PRKAA1: variants seen among roughly 807,000 people sequenced by gnomAD.
PRKAA1 encodes the protein protein kinase AMP-activated catalytic subunit alpha 1, also known as 5'-AMP-activated protein kinase catalytic subunit alpha-1.
PRKAA1 carries 23 observed loss-of-function variants against 56.9 expected under a neutral mutation model. The observed-to-expected ratio is 0.40, with a 90% CI of 0.29 to 0.57. The LOEUF (loss-of-function observed/expected upper bound fraction) is 0.57. PRKAA1 is among the 20% of genes least tolerant of loss of function. The pLI, the probability that PRKAA1 is intolerant of heterozygous loss-of-function variation, is 0.39. For missense variants in PRKAA1, 413 were observed against 679.7 expected (o/e 0.61, Z 4.36); for synonymous variants, 226 against 227.0 (o/e 1.00, Z 0.04).
At position 40,763,001 on chromosome 5, in the gene PRKAA1, G is replaced by A. The variant is rs748330955; in HGVS notation, c.1457C>T (p.Ser486Leu). ...CGATCTCTGTGGAGTAGCAGTCCCT[G>A]ATTTGGCTTCTGTAATTTCATCTGG... is the stretch of plus-strand genomic sequence containing the variant. The part of the protein sequence containing the change: ...SIDDEITEAK[S>L]GTATPQRSGS... The change falls in exon 9 of 9, where the codon TCA becomes TTA. Residue 486 changes from serine to leucine, a missense_variant. Ser to Leu is a moderately radical substitution (Grantham distance 145). Coordinates refer to ENST00000397128, the MANE Select transcript of PRKAA1 (RefSeq NM_006251.6). The A allele has an allele frequency of 1.2e-6, 2 of 1,614,020 alleles. No individual in the cohort carries two copies. The highest frequency in any genetic ancestry group is 2.2e-5 in the South Asian group (2 of 91,074).
chr5:40,795,251 GA>G (rs1404923953), intron 1 of PRKAA1, among the ~76,000 whole-genome samples: 1 of 152,068 alleles, frequency 6.6e-6, no homozygotes, highest in African/African-American at 2.4e-5. Context: ...AAGAGTGGGA[GA>G]GGGGTGAGGG....
At chr5:40,765,279 A>G in intron 6 of PRKAA1, 41 bp from the exon 7 acceptor site, 1 of 1,553,384 alleles carries the variant, frequency 6.4e-7, no homozygotes, top group Non-Finnish European at 8.7e-7. Flanking sequence ...GACTTTGAAT[A>G]GAGCTGAGAC....
chr5:40,763,135 C>T (rs1009164028), intron 8 of PRKAA1, 113 bp from the exon 9 acceptor site: 32 of 1,005,758 alleles, frequency 3.2e-5, no homozygotes, highest in African/African-American at 1.3e-4. Flanking sequence ...ATCAAGAGCA[C>T]GCTTATTCTA....
Position 40,775,489 on chromosome 5 carries a change from C to G in PRKAA1, c.284G>C (p.Ser95Thr), listed in dbSNP as rs765077004. The change falls in exon 3 of 9, where the codon AGT becomes ACT. Residue 95 changes from serine to threonine, a missense_variant. This residue lies in a region of PRKAA1 where 3 missense variants were observed against 28.4 expected (regional missense o/e 0.11). Coordinates refer to ENST00000397128, the MANE Select transcript of PRKAA1 (RefSeq NM_006251.6). ...PHIIKLYQVISTPSDIFMVME... is the reference protein window; with the variant it reads ...PHIIKLYQVITTPSDIFMVME... Reference sequence around the variant, plus strand: ...CACCATGAAAATATCAGATGGTGTACTGATGACCTGGTACCTGGTGAGAGA... The same window carrying G: ...CACCATGAAAATATCAGATGGTGTAGTGATGACCTGGTACCTGGTGAGAGA... 2 of 1,600,066 alleles carry G rather than the reference C, an allele frequency of 1.2e-6. No homozygotes were observed. The highest frequency in any genetic ancestry group is 2.2e-5 in the South Asian group (2 of 90,762).
At chr5:40,786,591 A>G (rs1201163287) in intron 1 of PRKAA1, among the ~76,000 whole-genome samples, 2 of 151,682 alleles carry the variant, frequency 1.3e-5, no homozygotes. Context: ...AAGATTAGTA[A>G]TTAGAAGACA....
chr5:40,764,997 T>C lies in PRKAA1; in HGVS notation c.1063A>G (p.Thr355Ala), dbSNP rs1400427220. 3.7e-6 allele frequency: 6 copies of C among 1,614,212 alleles called. No homozygotes were observed. The highest frequency in any genetic ancestry group is 5.1e-6 in the Non-Finnish European group (6 of 1,180,022). ...TCAAGAAAAGAATCAGGTGGGCTTGTCGCCAAATAGAAATCTTTGGCTTCA... is the reference window on the plus strand; with the variant it reads ...TCAAGAAAAGAATCAGGTGGGCTTGCCGCCAAATAGAAATCTTTGGCTTCA... ...MNEAKDFYLA[T>A]SPPDSFLDDH... Residue 355 changes from threonine (T) to alanine (A), a missense_variant, in exon 7 of 9, where the codon ACA becomes GCA. Thr to Ala is a moderately conservative substitution (Grantham distance 58, BLOSUM62 0). Around this residue, in one of 9 missense-constraint regions of PRKAA1, gnomAD observed 50 missense variants for 87.7 expected, o/e 0.57. Transcript: ENST00000397128.
intron 8 of PRKAA1, 92 bp from the exon 9 acceptor site, chr5:40,763,114 G>C (rs966248874): frequency 7.7e-7 from 1 of 1,304,004 alleles, no homozygotes. Context: ...AAGTGGGGCT[G>C]CTGGCCAGCT....
Position 40,762,580 on chromosome 5 carries a change from GAAC to G in PRKAA1, c.*195_*197del, listed in dbSNP as rs1201606140. On this transcript the variant is annotated 3_prime_UTR_variant, in exon 9 of 9. Coordinates refer to ENST00000397128, the MANE Select transcript of PRKAA1 (RefSeq NM_006251.6). ...TTATGCTATATACATACTGCACAAT[GAAC>G]AACAAAATGATCTTAATTCATTTCT... 15 of 643,354 alleles carry G rather than the reference GAAC, an allele frequency of 2.3e-5. 1 individual carries two copies. Among genetic ancestry groups the G allele is most frequent in the South Asian group, 1.6e-4 (8 of 50,426 alleles). The allele number at this position is 643,354 out of a possible 1,614,324, so 39.9% of individuals were successfully genotyped here. A position where few individuals can be genotyped will look rare whatever the true frequency, so the allele number is the denominator to read the frequency against.
chr5:40,783,273 A>G (rs186624136), intron 1 of PRKAA1, among the ~76,000 whole-genome samples: 5 of 152,304 alleles, frequency 3.3e-5, no homozygotes, highest in Admixed American at 2.0e-4. Flanking sequence ...TGTTATTCCA[A>G]CCTAACAGAC....
intron 6 of PRKAA1, among the ~76,000 whole-genome samples, chr5:40,765,946 C>T (rs199823716): frequency 4.7e-5 from 7 of 148,734 alleles, no homozygotes; most frequent in African/African-American, 1.7e-4. Flanking sequence ...AATCCAGAGA[C>T]GAAAAAAAAA....
chr5:40,787,370 C>CCT (rs1167961185), intron 1 of PRKAA1, among the ~76,000 whole-genome samples: 2 of 151,764 alleles, frequency 1.3e-5, no homozygotes, highest in African/African-American at 4.8e-5. Context: ...GAGGCTGAGG[C>CCT]AGGAGAATAG....
chr5:40,789,550 G>A (rs921461525), intron 1 of PRKAA1, among the ~76,000 whole-genome samples: 2 of 152,158 alleles, frequency 1.3e-5, no homozygotes, highest in African/African-American at 4.8e-5. Flanking sequence ...AGAGGTGTCT[G>A]AGACTCACTT....
chr5:40,789,548 C>CTA (rs1744631623), intron 1 of PRKAA1, among the ~76,000 whole-genome samples: 1 of 152,124 alleles, frequency 6.6e-6, no homozygotes, highest in African/African-American at 2.4e-5. Context: ...TCAGAGGTGT[C>CTA]TGAGACTCAC....
chr5:40,764,361 ATG>A (rs1274666764), intron 8 of PRKAA1, 151 bp downstream of exon 8: 3 of 669,346 alleles, frequency 4.5e-6, no homozygotes, highest in Non-Finnish European at 7.2e-6. Flanking sequence ...AGATTCATAA[ATG>A]TTAATATTGC....
intron 8 of PRKAA1, among the ~76,000 whole-genome samples, chr5:40,763,930 A>G (rs1452069306): frequency 6.6e-6 from 1 of 152,134 alleles, no homozygotes; most frequent in Non-Finnish European, 1.5e-5. Flanking sequence ...CAAAGGTGAT[A>G]CTATATATAT....
intron 1 of PRKAA1, among the ~76,000 whole-genome samples, chr5:40,788,630 C>A (rs1307677564): frequency 6.6e-6 from 1 of 152,104 alleles, no homozygotes; most frequent in Non-Finnish European, 1.5e-5. Context: ...GAGTTCGAGA[C>A]CAGCCTGACC....
chr5:40,790,507 A>G (rs930975011), intron 1 of PRKAA1, among the ~76,000 whole-genome samples: 1 of 145,410 alleles, frequency 6.9e-6, no homozygotes, highest in Non-Finnish European at 1.5e-5. Context: ...TTCATAGTCT[A>G]TCAGGAGTCA....
intron 5 of PRKAA1, chr5:40,768,909 A>G: frequency 6.4e-7 from 1 of 1,559,102 alleles, no homozygotes. Context: ...GTAAATTGAG[A>G]GGTTAAAATT....
Position 40,767,372 on chromosome 5 carries a change from T to A in PRKAA1, c.821+94A>T, listed in dbSNP as rs1743510555. The A allele has an allele frequency of 5.0e-6, 5 of 997,034 alleles. No individual in the cohort carries two copies. In the Admixed American group the frequency reaches 1.3e-4, roughly 25 times the overall value. The allele number at this position is 997,034 out of a possible 1,614,324, so 61.8% of individuals were successfully genotyped here. ...TATTTTTTTCACATAAAAACAGGATTACACTGTATATTCTGTTCTGCAACT... is the reference window on the plus strand; with the variant it reads ...TATTTTTTTCACATAAAAACAGGATAACACTGTATATTCTGTTCTGCAACT... On this transcript the variant is annotated intron_variant, in intron 6 of 8. Transcript: ENST00000397128.
Sources: gnomAD v4.1 joint callset for allele counts (sites outside exome capture counted in the v4.1 genomes callset) on GRCh38, gnomAD v4.1.1 for gene constraint, gnomAD v4.1.1 regional missense constraint, MANE v1.5 for transcripts, NCBI Gene and HGNC (gene_info 2026-07-23, HGNC 2026-07-21) for gene names.